The following AGBL4 variants were observed in gnomAD, a reference collection of about 807,000 sequenced individuals.
The protein encoded by AGBL4 is cytosolic carboxypeptidase 6.
AGBL4 carries 58 observed loss-of-function variants against 66.4 expected under a neutral mutation model. The observed-to-expected ratio is 0.87, with a 90% confidence interval of 0.71 to 1.09. The LOEUF (loss-of-function observed/expected upper bound fraction) is 1.09. Ranked by LOEUF, AGBL4 falls within the 50% of genes least tolerant of loss-of-function variation. The pLI is 0.00. For missense variants in AGBL4, 579 were observed against 631.0 expected, an observed-to-expected ratio of 0.92 and a Z score of 0.88; for synonymous variants, 234 against 222.9, an observed-to-expected ratio of 1.05 and a Z score of -0.44.
chr1:49,093,760 C>T (rs964253281), intron 4 of AGBL4, among the ~76,000 whole-genome samples: 1 of 152,110 alleles, frequency 6.6e-6, no homozygotes, highest in African/African-American at 2.4e-5. Flanking sequence ...AACCTAGGTT[C>T]TTTAACTTCA....
intron 5 of AGBL4, among the ~76,000 whole-genome samples, chr1:48,886,247 C>T (rs975702448): frequency 6.6e-6 from 1 of 152,136 alleles, no homozygotes; most frequent in Non-Finnish European, 1.5e-5. Flanking sequence ...GTGGGGGTCC[C>T]GTTCCACTGC....
intron 3 of AGBL4, among the ~76,000 whole-genome samples, chr1:49,286,750 G>A (rs780258533): frequency 0.057 from 8,730 of 151,994 alleles, 343 homozygotes; most frequent in Middle Eastern, 0.085. Context: ...ATGCTCATGG[G>A]TAGGAAGAAT....
Position 48,644,510 on chromosome 1 carries a change from C to T in AGBL4, c.839+8827G>A, listed in dbSNP as rs143718370. Among the ~76,000 whole-genome samples the T allele has an allele frequency of 7.8e-3, 1,193 of 152,100 alleles. 11 individuals carry two copies. Among genetic ancestry groups the T allele is most frequent in the Admixed American group, 0.01 (157 of 15,266 alleles). On this transcript the variant is annotated intron_variant, in intron 8 of 13. Transcript: ENST00000371839. ...TCCCCAGTGCATGGTACAAAGTATG[C>T]GCTTGGGGATGGGTTGGTGACTTGG...
chr1:49,583,201 G>C (rs1057512420), intron 3 of AGBL4, among the ~76,000 whole-genome samples: 1 of 152,108 alleles, frequency 6.6e-6, no homozygotes, highest in Admixed American at 6.5e-5. Flanking sequence ...TCAGAATAAA[G>C]GCTGCTTACC....
At chr1:49,810,160 C>T (rs1026670224) in intron 2 of AGBL4, among the ~76,000 whole-genome samples, 3 of 152,026 alleles carry the variant, frequency 2.0e-5, no homozygotes, top group Non-Finnish European at 4.4e-5. Flanking sequence ...TGAGGCTCAG[C>T]TAAGTACCAG....
intron 2 of AGBL4, among the ~76,000 whole-genome samples, chr1:49,822,144 T>TG (rs1208252132): frequency 1.3e-5 from 2 of 152,002 alleles, no homozygotes; most frequent in African/African-American, 2.4e-5. Context: ...GAAAAAAAAT[T>TG]GGGGGGGTTT....
chr1:49,916,798 T>A (rs902044748), intron 1 of AGBL4, among the ~76,000 whole-genome samples: 11 of 151,962 alleles, frequency 7.2e-5, no homozygotes, highest in South Asian at 2.1e-4. Context: ...TCACCAAAGT[T>A]GAAATGAAGG....
chr1:49,377,271 T>C (rs1431620652), intron 3 of AGBL4, among the ~76,000 whole-genome samples: 1 of 152,138 alleles, frequency 6.6e-6, no homozygotes, highest in South Asian at 2.1e-4. Context: ...TTATGTACTA[T>C]GTGCCTTCTA....
chr1:49,035,730 G>A (rs1664593646), intron 5 of AGBL4, among the ~76,000 whole-genome samples: 1 of 143,974 alleles, frequency 6.9e-6, no homozygotes. Flanking sequence ...CACTCCTGGG[G>A]TGTGTGTGTG....
intron 1 of AGBL4, among the ~76,000 whole-genome samples, chr1:50,011,886 G>A (rs1490780736): frequency 6.6e-6 from 1 of 152,172 alleles, no homozygotes; most frequent in Non-Finnish European, 1.5e-5. Flanking sequence ...CCGGCCGGGC[G>A]CGATGGCTCA....
intron 6 of AGBL4, among the ~76,000 whole-genome samples, chr1:48,815,930 G>T (rs1301683048): frequency 6.6e-6 from 1 of 152,014 alleles, no homozygotes; most frequent in Non-Finnish European, 1.5e-5. Context: ...AGCAAATCTT[G>T]GTTCTCTAAA....
At chr1:49,603,062 A>T (rs1247374461) in intron 3 of AGBL4, among the ~76,000 whole-genome samples, 1 of 152,078 alleles carries the variant, frequency 6.6e-6, no homozygotes, top group African/African-American at 2.4e-5. Context: ...CTTTCTGAAG[A>T]TTATATAGCC....
intron 1 of AGBL4, among the ~76,000 whole-genome samples, chr1:49,853,556 G>A (rs1646358881): frequency 6.6e-6 from 1 of 152,032 alleles, no homozygotes; most frequent in African/African-American, 2.4e-5. Flanking sequence ...GGATATGAGA[G>A]TAAGAATGAA....
intron 2 of AGBL4, among the ~76,000 whole-genome samples, chr1:49,825,469 A>G (rs562616082): frequency 6.6e-6 from 1 of 152,316 alleles, no homozygotes; most frequent in South Asian, 2.1e-4. Flanking sequence ...AAATGAGAAA[A>G]CAGAAGTTCA....
At chr1:49,419,194 G>A (rs1156724046) in intron 3 of AGBL4, among the ~76,000 whole-genome samples, 1 of 152,106 alleles carries the variant, frequency 6.6e-6, no homozygotes, top group East Asian at 1.9e-4. Flanking sequence ...CAGATAAATA[G>A]TGTATTGGGT....
At chr1:49,203,834 C>A (rs1168525115) in intron 4 of AGBL4, among the ~76,000 whole-genome samples, 1 of 152,042 alleles carries the variant, frequency 6.6e-6, no homozygotes, top group Non-Finnish European at 1.5e-5. Context: ...TCAAGTCATG[C>A]AAGATAGAAA....
intron 1 of AGBL4, among the ~76,000 whole-genome samples, chr1:49,898,220 A>G (rs1649412457): frequency 6.6e-6 from 1 of 152,152 alleles, no homozygotes; most frequent in Admixed American, 6.5e-5. Context: ...CCACGTGAAA[A>G]GGGATTAATA....
At chr1:49,842,762 G>A (rs548815466) in intron 2 of AGBL4, among the ~76,000 whole-genome samples, 1 of 151,914 alleles carries the variant, frequency 6.6e-6, no homozygotes, top group Non-Finnish European at 1.5e-5. Flanking sequence ...GAGAGATGAG[G>A]GATAGCCTCT....
At chr1:49,372,526 C>T (rs1350008154) in intron 3 of AGBL4, among the ~76,000 whole-genome samples, 1 of 152,142 alleles carries the variant, frequency 6.6e-6, no homozygotes, top group African/African-American at 2.4e-5. Flanking sequence ...TCTATTTTCC[C>T]TGCTACTGAT....
Sources: gnomAD v4.1 joint callset for allele counts (sites outside exome capture counted in the v4.1 genomes callset) on GRCh38, gnomAD v4.1.1 for gene constraint, MANE v1.5 for transcripts, NCBI Gene and HGNC (gene_info 2026-07-23, HGNC 2026-07-21) for gene names.